MYCBP2: variants seen among roughly 807,000 people sequenced by gnomAD.
MYCBP2 encodes the protein E3 ubiquitin-protein ligase MYCBP2.
In MYCBP2, 120 loss-of-function variants were observed where a neutral mutation model predicts 525.3. The observed-to-expected ratio is 0.23, with a 90% CI of 0.20 to 0.27. MYCBP2 has a LOEUF of 0.27. Ranked by LOEUF, MYCBP2 falls within the 10% of genes least tolerant of loss-of-function variation. The pLI, the probability that MYCBP2 is intolerant of heterozygous loss-of-function variation, is 1.00. For synonymous variants in MYCBP2, 1,894 were observed against 1,955.8 expected (o/e 0.97, Z 0.83); for missense variants, 4,149 against 5,657.1 (o/e 0.73, Z 8.55).
chr13:77,074,810 C>A (rs1371712377), intron 68 of MYCBP2, among the ~76,000 whole-genome samples: 1 of 152,164 alleles, frequency 6.6e-6, no homozygotes, highest in Non-Finnish European at 1.5e-5. Context: ...AAAGGCAACA[C>A]AACACTGGCA....
chr13:77,061,147 G>T (rs1446443724), intron 76 of MYCBP2, 22 bp downstream of exon 76: 1 of 1,590,500 alleles, frequency 6.3e-7, no homozygotes, highest in South Asian at 1.2e-5. Context: ...TAAAGGCATG[G>T]CTCAATCTTT....
chr13:77,207,962 AC>A lies in MYCBP2; in HGVS notation c.3417-1138del, dbSNP rs1480889159. ...TCTGCCCATCCCCCCACCAAGCCCC[AC>A]CCGCCCCAGCCCCAGATGAATGAGT... is the stretch of plus-strand genomic sequence containing the variant. On this transcript the variant is annotated intron_variant, in intron 23 of 82. Coordinates refer to ENST00000544440, the MANE Select transcript of MYCBP2 (RefSeq NM_015057.5). Among the ~76,000 whole-genome samples the A allele has an allele frequency of 7.3e-5, 4 of 54,604 alleles. No individual in the cohort carries two copies. The East Asian group carries it at 2.0e-3, about 27-fold the overall frequency. 35.8% of individuals were successfully genotyped at this position (54,604 alleles called of 152,430 possible). A position where few individuals can be genotyped will look rare whatever the true frequency, so the allele number is the denominator to read the frequency against.
At chr13:77,221,443 ATGT>A (rs1372436672) in intron 20 of MYCBP2, among the ~76,000 whole-genome samples, 4 of 152,150 alleles carry the variant, frequency 2.6e-5, no homozygotes, top group Non-Finnish European at 4.4e-5. Context: ...GTGTGGAAGG[ATGT>A]TGTGCTCATG....
In MYCBP2 at chr13:77,067,780, C is replaced by A; in HGVS notation, c.12256G>T (p.Ala4086Ser). 1 of 1,614,040 alleles carries A rather than the reference C, an allele frequency of 6.2e-7. No individual in the cohort carries two copies. Among genetic ancestry groups the A allele is most frequent in the Non-Finnish European group, 8.5e-7 (1 of 1,179,944 alleles). The part of the protein sequence containing the change: ...SIIGVKSLPP[A>S]DISDIIHSTE... ...GAGTGAATGATATCACTGATATCTG[C>A]TGGGGGGAGGGATTTCACTCCTATG... Residue 4086 changes from alanine to serine, a missense_variant, in exon 71 of 83, where the codon GCA becomes TCA. Transcript: ENST00000544440.
At chr13:77,147,571 C>G (rs2055803654) in intron 47 of MYCBP2, among the ~76,000 whole-genome samples, 1 of 152,022 alleles carries the variant, frequency 6.6e-6, no homozygotes, top group Non-Finnish European at 1.5e-5. Flanking sequence ...TTCTCTCTAC[C>G]CTTTTTGTTT....
chr13:77,185,358 T>C lies in MYCBP2; in HGVS notation c.4464A>G (p.Val1488=), dbSNP rs748388470. 6.2e-7 allele frequency: 1 copy of C among 1,611,864 alleles called. No homozygotes were observed. Among genetic ancestry groups the C allele is most frequent in the Non-Finnish European group, 8.5e-7 (1 of 1,178,392 alleles). ...ACTCTGCTAATTTGCTAGTTTCTTC[T>C]ACAACTGCTTTTCCTGTAGCTTTGA... is the stretch of plus-strand genomic sequence containing the variant. ...YPVSATGKAV[V]EETSKLAECI... The change falls in exon 32 of 83, where the codon GTA becomes GTG. Residue 1488 remains valine, a synonymous_variant. Coordinates refer to ENST00000544440, the MANE Select transcript of MYCBP2 (RefSeq NM_015057.5).
At position 77,077,837 on chromosome 13, in the gene MYCBP2, T is replaced by C. The variant is rs2042581541; in HGVS notation, c.11485-450A>G. ...AAGATAAGGGACTTTAAAGTGCAGT[T>C]ACTTAATATGTTTTACTTTTGAACA... On this transcript the variant is annotated intron_variant, in intron 66 of 82. Coordinates refer to ENST00000544440, the MANE Select transcript of MYCBP2 (RefSeq NM_015057.5). 2.0e-5 allele frequency: 3 copies of C among 153,770 alleles called. No homozygotes were observed. In the South Asian group the frequency reaches 6.1e-4, roughly 31 times the overall value. 9.5% of individuals were successfully genotyped at this position (153,770 alleles called of 1,614,324 possible). A position where few individuals can be genotyped will look rare whatever the true frequency, so the allele number is the denominator to read the frequency against.
At chr13:77,215,325 C>A (rs1215805674) in intron 21 of MYCBP2, among the ~76,000 whole-genome samples, 2 of 152,106 alleles carry the variant, frequency 1.3e-5, no homozygotes, top group African/African-American at 4.8e-5. Flanking sequence ...CTTGACTATA[C>A]ACCTTCAGAC....
chr13:77,084,579 C>T (rs1329826873), intron 62 of MYCBP2, among the ~76,000 whole-genome samples: 1 of 152,114 alleles, frequency 6.6e-6, no homozygotes, highest in African/African-American at 2.4e-5. Flanking sequence ...TGATTTTAGG[C>T]ACTGCCCTTA....
chr13:77,177,594 T>C (rs141608171), intron 35 of MYCBP2, among the ~76,000 whole-genome samples, 154 bp downstream of exon 35: 68 of 152,204 alleles, frequency 4.5e-4, no homozygotes, highest in African/African-American at 1.6e-3. Flanking sequence ...AGAGCTGAGA[T>C]TACAGGTGTG....
intron 3 of MYCBP2, among the ~76,000 whole-genome samples, chr13:77,280,267 G>A (rs1012985221): frequency 6.6e-6 from 1 of 152,260 alleles, no homozygotes; most frequent in South Asian, 2.1e-4. Flanking sequence ...CTTGATTATA[G>A]CTAATATTAC....
At chr13:77,097,303 T>C in intron 56 of MYCBP2, 67 bp downstream of exon 56, 1 of 1,525,438 alleles carries the variant, frequency 6.6e-7, no homozygotes, top group Non-Finnish European at 8.8e-7. Flanking sequence ...ATAGAACAGC[T>C]CAAATAAAGT....
At chr13:77,117,673 G>A (rs1157352444) in intron 55 of MYCBP2, among the ~76,000 whole-genome samples, 1 of 152,068 alleles carries the variant, frequency 6.6e-6, no homozygotes, top group Non-Finnish European at 1.5e-5. Context: ...CATGAGAACT[G>A]AATGCCAAGA....
chr13:77,149,027 T>G (rs2056068796), intron 47 of MYCBP2, among the ~76,000 whole-genome samples: 1 of 152,126 alleles, frequency 6.6e-6, no homozygotes, highest in Admixed American at 6.6e-5. Context: ...TATTGTTTTT[T>G]CTCTCAATTA....
At chr13:77,112,310 ATT>A (rs1408854984) in intron 55 of MYCBP2, among the ~76,000 whole-genome samples, 2 of 146,436 alleles carry the variant, frequency 1.4e-5, no homozygotes, top group Non-Finnish European at 3.0e-5. Context: ...TAAAATATAT[ATT>A]TTATATATAA....
chr13:77,170,812 T>A (rs1327641976), intron 38 of MYCBP2, among the ~76,000 whole-genome samples: 2 of 152,116 alleles, frequency 1.3e-5, no homozygotes, highest in East Asian at 3.9e-4. Context: ...CCTGACCTCA[T>A]GATCTGCCTT....
chr13:77,229,097 C>T (rs994703239), intron 18 of MYCBP2, among the ~76,000 whole-genome samples: 13 of 152,110 alleles, frequency 8.5e-5, no homozygotes, highest in African/African-American at 3.1e-4. Context: ...CTTGGGAGTA[C>T]TGGAACTTAA....
At chr13:77,288,456 A>G (rs182820627) in intron 2 of MYCBP2, 80 bp from the exon 3 acceptor site, 3 of 1,213,330 alleles carry the variant, frequency 2.5e-6, no homozygotes, top group Admixed American at 4.2e-5. Flanking sequence ...TAAAGATTAG[A>G]CACACTAACT....
chr13:77,106,351 A>G (rs1392528503), intron 55 of MYCBP2, among the ~76,000 whole-genome samples: 1 of 152,172 alleles, frequency 6.6e-6, no homozygotes, highest in African/African-American at 2.4e-5. Context: ...ACTATGTTCT[A>G]TAATCAAGCT....
Sources: gnomAD v4.1 joint callset for allele counts (sites outside exome capture counted in the v4.1 genomes callset) on GRCh38, gnomAD v4.1.1 for gene constraint, MANE v1.5 for transcripts, NCBI Gene and HGNC (gene_info 2026-07-23, HGNC 2026-07-21) for gene names.